The following PHACTR1 variants were observed in gnomAD, a reference collection of about 807,000 sequenced individuals.
PHACTR1 encodes RPEL repeat containing 1.
A neutral mutation model predicts 69.2 loss-of-function variants in PHACTR1; 16 were observed. That is an observed-to-expected ratio of 0.23 (90% CI 0.16 to 0.35). The LOEUF (loss-of-function observed/expected upper bound fraction) is 0.35, where lower values mean the gene tolerates loss of function less well. Among genes scored for constraint, PHACTR1 ranks in the 10% least tolerant of loss-of-function variants. The pLI is 1.00. For missense variants in PHACTR1, 510 were observed against 734.7 expected, an observed-to-expected ratio of 0.69 and a Z score of 3.54; for synonymous variants, 312 against 284.5, an observed-to-expected ratio of 1.10 and a Z score of -0.97.
At chr6:12,798,286 A>G (rs1258406947) in intron 4 of PHACTR1, among the ~76,000 whole-genome samples, 10 of 152,202 alleles carry the variant, frequency 6.6e-5, no homozygotes, top group Non-Finnish European at 1.3e-4. Context: ...GTTTAATTAC[A>G]TGAGCACAGG....
intron 4 of PHACTR1, among the ~76,000 whole-genome samples, chr6:13,028,730 A>G (rs745500184): frequency 2.0e-5 from 3 of 152,210 alleles, no homozygotes; most frequent in African/African-American, 7.2e-5. Context: ...TGTGGCAACC[A>G]TAAGTATCTC....
intron 10 of PHACTR1, among the ~76,000 whole-genome samples, chr6:13,255,219 C>A (rs58425216): frequency 6.6e-6 from 1 of 152,066 alleles, no homozygotes; most frequent in Non-Finnish European, 1.5e-5. Context: ...TTTAAACAAC[C>A]AGATCTCATG....
intron 4 of PHACTR1, among the ~76,000 whole-genome samples, chr6:12,821,142 T>G (rs1776154320): frequency 6.6e-6 from 1 of 152,024 alleles, no homozygotes; most frequent in Non-Finnish European, 1.5e-5. Flanking sequence ...TCTTCAATAC[T>G]CAAATATAAA....
rs190402920 is a variant in PHACTR1 at position 12,841,524 on chromosome 6, A to G, written c.250+91734A>G. Among the ~76,000 whole-genome samples the G allele has an allele frequency of 7.5e-4, 114 of 152,312 alleles. No homozygotes were observed. The East Asian group carries it at 0.019, about 26-fold the overall frequency. ...AATGAATTGAGCATCAGATATCAAG[A>G]TTTTCTTTTTTGTTACATCACTAGG... On this transcript the variant is annotated intron_variant, in intron 4 of 14. Coordinates refer to ENST00000332995, the MANE Select transcript of PHACTR1 (RefSeq NM_030948.6).
At chr6:12,948,881 G>A (rs1288055614) in intron 4 of PHACTR1, among the ~76,000 whole-genome samples, 2 of 152,044 alleles carry the variant, frequency 1.3e-5, no homozygotes, top group Non-Finnish European at 2.9e-5. Context: ...TTCTTTGTTT[G>A]TGTGGAAAGT....
chr6:13,160,117 A>G, intron 5 of PHACTR1, 87 bp from the exon 6 acceptor site: 4 of 1,128,032 alleles, frequency 3.5e-6, no homozygotes, highest in East Asian at 2.4e-5. Context: ...CGTATGTTAC[A>G]TTGCCATATG....
At chr6:12,850,345 C>T (rs911303734) in intron 4 of PHACTR1, among the ~76,000 whole-genome samples, 19 of 152,248 alleles carry the variant, frequency 1.2e-4, no homozygotes, top group African/African-American at 4.6e-4. Flanking sequence ...CCATCAGGCC[C>T]GCGTGCAGAT....
At chr6:12,906,400 C>G (rs191134704) in intron 4 of PHACTR1, among the ~76,000 whole-genome samples, 1 of 152,166 alleles carries the variant, frequency 6.6e-6, no homozygotes, top group African/African-American at 2.4e-5. Flanking sequence ...TTTAAAGATG[C>G]TTTCAGAGCT....
intron 8 of PHACTR1, among the ~76,000 whole-genome samples, chr6:13,215,336 A>G (rs553699178): frequency 2.0e-5 from 3 of 152,332 alleles, no homozygotes; most frequent in East Asian, 1.9e-4. Flanking sequence ...AGGAATGTCA[A>G]CTGGTCTATG....
intron 11 of PHACTR1, among the ~76,000 whole-genome samples, chr6:13,276,330 G>T (rs1159223736): frequency 6.6e-6 from 1 of 152,196 alleles, no homozygotes; most frequent in Non-Finnish European, 1.5e-5. Context: ...AATCAGGCCC[G>T]TGGGGGTGGC....
chr6:12,724,982 C>T (rs1581430200), intron 3 of PHACTR1, among the ~76,000 whole-genome samples: 1 of 152,176 alleles, frequency 6.6e-6, no homozygotes, highest in East Asian at 1.9e-4. Context: ...TAGAACCAGG[C>T]TCAGTCGTCA....
In PHACTR1 at chr6:12,953,156, C is replaced by G. The variant is rs140112335; in HGVS notation, c.251-100209C>G. Among the ~76,000 whole-genome samples, 343 of 152,128 alleles carry G rather than the reference C, an allele frequency of 2.3e-3. 1 individual carries two copies. Among genetic ancestry groups the G allele is most frequent in the African/African-American group, 7.5e-3 (312 of 41,500 alleles). On this transcript the variant is annotated intron_variant, in intron 4 of 14. Coordinates refer to ENST00000332995, the MANE Select transcript of PHACTR1 (RefSeq NM_030948.6). ...TGGCCAATGTGGTGAAACCCCGTCT[C>G]TACAAAAAACATAAAAATTAGCCGG...
At chr6:12,907,725 T>C (rs1312517946) in intron 4 of PHACTR1, among the ~76,000 whole-genome samples, 1 of 142,540 alleles carries the variant, frequency 7.0e-6, no homozygotes. Flanking sequence ...TGTGAGGGCC[T>C]CTATACACCA....
At chr6:12,958,967 A>C (rs1291948251) in intron 4 of PHACTR1, among the ~76,000 whole-genome samples, 1 of 152,182 alleles carries the variant, frequency 6.6e-6, no homozygotes, top group African/African-American at 2.4e-5. Context: ...ACTTGAGGTC[A>C]GGAGTTCAAG....
At chr6:13,232,735 C>T (rs116121722) in intron 10 of PHACTR1, among the ~76,000 whole-genome samples, 2,695 of 151,830 alleles carry the variant, frequency 0.018, 74 homozygotes, top group African/African-American at 0.062. Context: ...TTACATAGAA[C>T]GAGATCTCGG....
rs1767186263 is a variant in PHACTR1, at chr6:12,755,315, G to A, written c.250+5525G>A. On this transcript the variant is annotated intron_variant, in intron 4 of 14. Transcript: ENST00000332995. ...AATGCATCAATTTCCTAAGACCATG[G>A]GCAAGCCATTTAACCTTTTGGGGTT... is the stretch of plus-strand genomic sequence containing the variant. Among the ~76,000 whole-genome samples, 4 of 152,042 alleles carry A rather than the reference G, an allele frequency of 2.6e-5. No individual in the cohort carries two copies. The South Asian group carries it at 8.3e-4, about 32-fold the overall frequency.
chr6:13,122,094 C>T (rs1328623809), intron 5 of PHACTR1, among the ~76,000 whole-genome samples: 9 of 152,058 alleles, frequency 5.9e-5, no homozygotes, highest in Non-Finnish European at 1.0e-4. Flanking sequence ...TTCCTGAGCC[C>T]GACAGCCACC....
chr6:13,098,054 A>G (rs1300405730), intron 5 of PHACTR1, among the ~76,000 whole-genome samples: 1 of 151,988 alleles, frequency 6.6e-6, no homozygotes, highest in Non-Finnish European at 1.5e-5. Context: ...TTATTACTAG[A>G]TCCTTCCTCT....
intron 5 of PHACTR1, among the ~76,000 whole-genome samples, chr6:13,133,239 CT>C (rs1820801800): frequency 3.7e-5 from 2 of 54,278 alleles, no homozygotes; most frequent in Non-Finnish European, 7.4e-5. Flanking sequence ...CCCTCTCCCT[CT>C]CCCTTTCCCT....
Sources: allele counts gnomAD v4.1 joint callset (sites outside exome capture counted in the v4.1 genomes callset), GRCh38; gene constraint gnomAD v4.1.1; transcripts MANE v1.5; gene names NCBI Gene and HGNC (gene_info 2026-07-23, HGNC 2026-07-21).